The following CADM1 variants were observed in gnomAD, a reference collection of about 807,000 sequenced individuals.
CADM1 encodes TSLC-1.
In CADM1, 15 loss-of-function variants were observed where a neutral mutation model predicts 53.1. The ratio of observed to expected loss-of-function variants is 0.28; its 90% CI spans 0.19 to 0.44. The LOEUF (loss-of-function observed/expected upper bound fraction) is 0.44, where lower values mean the gene tolerates loss of function less well. CADM1 is among the 20% of genes least tolerant of loss of function. The probability of loss-of-function intolerance (pLI) is 1.00; values close to 1 mark genes in which losing one functional copy is unlikely to be tolerated. For synonymous variants in CADM1, 281 were observed against 243.0 expected, an observed-to-expected ratio of 1.16 and a Z score of -1.45; for missense variants, 434 against 611.3, an observed-to-expected ratio of 0.71 and a Z score of 3.06.
At chr11:115,432,210 G>T (rs1183927997) in intron 1 of CADM1, among the ~76,000 whole-genome samples, 1 of 152,064 alleles carries the variant, frequency 6.6e-6, no homozygotes, top group African/African-American at 2.4e-5. Flanking sequence ...CTCCCAAAGT[G>T]CTGGGATTAC....
At chr11:115,224,953 G>A (rs1941548159) in intron 5 of CADM1, among the ~76,000 whole-genome samples, 1 of 152,138 alleles carries the variant, frequency 6.6e-6, no homozygotes, top group Non-Finnish European at 1.5e-5. Context: ...AAAATGCACT[G>A]AAAGATTTTA....
intron 1 of CADM1, among the ~76,000 whole-genome samples, chr11:115,435,342 GTTTTCACA>G (rs1555084755): frequency 6.6e-6 from 1 of 152,074 alleles, no homozygotes; most frequent in Non-Finnish European, 1.5e-5. Flanking sequence ...GCTAGGAATG[GTTTTCACA>G]TTTTTTAATG....
intron 9 of CADM1, among the ~76,000 whole-genome samples, chr11:115,192,063 A>G (rs1394492999): frequency 6.6e-6 from 1 of 152,236 alleles, no homozygotes; most frequent in African/African-American, 2.4e-5. Flanking sequence ...ATCAGAGCAT[A>G]AAAGCAACCA....
At chr11:115,401,374 C>T (rs1038445904) in intron 1 of CADM1, among the ~76,000 whole-genome samples, 7 of 151,824 alleles carry the variant, frequency 4.6e-5, no homozygotes, top group East Asian at 1.9e-4. Context: ...TTTGGGAGGC[C>T]GAGGCGGGTG....
chr11:115,252,625 G>T (rs1264544341), intron 1 of CADM1, among the ~76,000 whole-genome samples: 2 of 152,112 alleles, frequency 1.3e-5, no homozygotes, highest in South Asian at 2.1e-4. Context: ...TATCGTCTGG[G>T]TTTCCTCCCT....
intron 1 of CADM1, among the ~76,000 whole-genome samples, chr11:115,302,442 T>A (rs1281923652): frequency 1.3e-5 from 2 of 152,054 alleles, no homozygotes; most frequent in South Asian, 4.1e-4. Context: ...AGAAACTTGA[T>A]GGGAGTTTTC....
intron 1 of CADM1, among the ~76,000 whole-genome samples, chr11:115,310,267 T>C (rs1374429621): frequency 1.3e-5 from 2 of 152,156 alleles, no homozygotes; most frequent in African/African-American, 4.8e-5. Flanking sequence ...TGACAGTTTT[T>C]AATTAAATTA....
At chr11:115,317,918 C>T (rs1347227676) in intron 1 of CADM1, among the ~76,000 whole-genome samples, 2 of 151,778 alleles carry the variant, frequency 1.3e-5, no homozygotes, top group African/African-American at 4.8e-5. Context: ...AATTGTACTA[C>T]CAACTTAGTT....
At chr11:115,460,866 T>C (rs949576396) in intron 1 of CADM1, among the ~76,000 whole-genome samples, 6 of 152,178 alleles carry the variant, frequency 3.9e-5, no homozygotes, top group African/African-American at 7.2e-5. Flanking sequence ...GAAATCCATA[T>C]ACAGCCACAG....
intron 1 of CADM1, among the ~76,000 whole-genome samples, chr11:115,326,081 T>C (rs1944951953): frequency 6.6e-6 from 1 of 152,164 alleles, no homozygotes; most frequent in Non-Finnish European, 1.5e-5. Flanking sequence ...GTCAATACCT[T>C]CTGCACACAA....
chr11:115,344,302 CA>C (rs1312663872), intron 1 of CADM1, among the ~76,000 whole-genome samples: 1 of 152,160 alleles, frequency 6.6e-6, no homozygotes, highest in African/African-American at 2.4e-5. Context: ...ATCGCAGTCC[CA>C]AACTTCAATG....
chr11:115,332,803 C>T (rs1009192637), intron 1 of CADM1, among the ~76,000 whole-genome samples: 9 of 152,112 alleles, frequency 5.9e-5, no homozygotes, highest in African/African-American at 2.2e-4. Flanking sequence ...TATAAATAAT[C>T]TGATAGTAAA....
At chr11:115,462,014 A>G (rs1192753826) in intron 1 of CADM1, among the ~76,000 whole-genome samples, 1 of 152,206 alleles carries the variant, frequency 6.6e-6, no homozygotes, top group African/African-American at 2.4e-5. Context: ...ACACTGGGAA[A>G]CATTTAGCCG....
chr11:115,256,114 T>A (rs1253501652), intron 1 of CADM1, among the ~76,000 whole-genome samples: 1 of 152,206 alleles, frequency 6.6e-6, no homozygotes, highest in Non-Finnish European at 1.5e-5. Context: ...ATAAAGCAAG[T>A]GTTCCAAAAT....
intron 1 of CADM1, among the ~76,000 whole-genome samples, chr11:115,469,373 C>T (rs1948961254): frequency 6.6e-6 from 1 of 152,122 alleles, no homozygotes; most frequent in Non-Finnish European, 1.5e-5. Flanking sequence ...ATGCCATTAT[C>T]CTTCCCCATT....
intron 1 of CADM1, among the ~76,000 whole-genome samples, chr11:115,276,776 GTACAAA>G (rs1943457324): frequency 6.6e-6 from 1 of 152,044 alleles, no homozygotes. Context: ...AGCCCCGTGG[GTACAAA>G]TAAGCTGTTT....
In CADM1 at chr11:115,388,431, G is replaced by A. The variant is rs2135174799; in HGVS notation, c.124+115840C>T. 1.3e-5 allele frequency among the ~76,000 whole-genome samples: 2 copies of A among 152,262 alleles called. 1 individual carries two copies. The highest frequency in any genetic ancestry group is 4.1e-4 in the South Asian group (2 of 4,826). On this transcript the variant is annotated intron_variant, in intron 1 of 11. Transcript: ENST00000331581. ...AGGGGTGAGTTTTGAAGAGGAACAAGATATTTGCATGCTCTTAAAGTGCCT... is the reference window on the plus strand; with the variant it reads ...AGGGGTGAGTTTTGAAGAGGAACAAAATATTTGCATGCTCTTAAAGTGCCT...
In CADM1 at chr11:115,169,817, G is replaced by A. The variant is rs1458196184; in HGVS notation, c.*6657C>T. The A allele has an allele frequency of 1.7e-5, 5 of 291,540 alleles. No individual in the cohort carries two copies. The highest frequency in any genetic ancestry group is 3.0e-5 in the South Asian group (1 of 33,072). 18.1% of individuals were successfully genotyped at this position (291,540 alleles called of 1,614,324 possible). ...GCCAGCATCCATTGCAGGTTTAAAC[G>A]ATGAAATACACAACTACAGAGAAAA... On this transcript the variant is annotated 3_prime_UTR_variant, in exon 12 of 12. Transcript: ENST00000331581.
intron 5 of CADM1, among the ~76,000 whole-genome samples, chr11:115,222,489 C>A (rs548253114): frequency 1.3e-5 from 2 of 152,244 alleles, no homozygotes; most frequent in African/African-American, 4.8e-5. Context: ...GAACATCTTG[C>A]AAAATATTTG....
Sources: allele counts gnomAD v4.1 joint callset (sites outside exome capture counted in the v4.1 genomes callset), GRCh38; gene constraint gnomAD v4.1.1; transcripts MANE v1.5; gene names NCBI Gene and HGNC (gene_info 2026-07-23, HGNC 2026-07-21).